The following ANKS1B variants were observed in gnomAD, a reference collection of about 807,000 sequenced individuals.
ANKS1B encodes the protein ankyrin repeat and sterile alpha motif domain containing 1B.
In ANKS1B, 36 loss-of-function variants were observed where a neutral mutation model predicts 148.3. The observed-to-expected ratio is 0.24, with a 90% CI of 0.19 to 0.32. ANKS1B has a LOEUF of 0.32. ANKS1B is among the 10% of genes least tolerant of loss of function. The pLI is 1.00. For missense variants in ANKS1B, 1,157 were observed against 1,542.6 expected (o/e 0.75, Z 4.19); for synonymous variants, 542 against 560.8 (o/e 0.97, Z 0.47).
chr12:99,401,472 TC>T (rs1487705593), intron 11 of ANKS1B, among the ~76,000 whole-genome samples: 4 of 146,482 alleles, frequency 2.7e-5, no homozygotes, highest in East Asian at 1.9e-4. Flanking sequence ...TATATATGAT[TC>T]CCCCATTTCT....
intron 11 of ANKS1B, among the ~76,000 whole-genome samples, chr12:99,411,222 G>A (rs948311498): frequency 3.3e-5 from 5 of 152,206 alleles, no homozygotes; most frequent in African/African-American, 1.2e-4. Flanking sequence ...AGCTGCTAGA[G>A]TCCCCAGTGT....
intron 9 of ANKS1B, among the ~76,000 whole-genome samples, chr12:99,564,791 T>C (rs2097372076): frequency 6.6e-6 from 1 of 152,154 alleles, no homozygotes; most frequent in African/African-American, 2.4e-5. Context: ...TCTTGAAATT[T>C]TTCAAACTTG....
At chr12:99,902,936 C>CTGT (rs1340312656) in intron 1 of ANKS1B, among the ~76,000 whole-genome samples, 2 of 89,982 alleles carry the variant, frequency 2.2e-5, no homozygotes, top group African/African-American at 8.3e-5. Flanking sequence ...GTTGTTGTTG[C>CTGT]TGTTGTTGTT....
rs553456678 is a variant in ANKS1B at position 99,931,840 on chromosome 12, C to A, written c.134+52264G>T. On this transcript the variant is annotated intron_variant, in intron 1 of 26. Coordinates refer to ENST00000683438, the MANE Select transcript of ANKS1B (RefSeq NM_001352186.2). The stretch of plus-strand genomic sequence containing the variant: ...AATAAATTAATGTTGACTGTAGTCA[C>A]CCTGTTGTGCTATCAAATGCTAGGT... Among the ~76,000 whole-genome samples, 35 of 152,180 alleles carry A rather than the reference C, an allele frequency of 2.3e-4. 2 individuals are homozygous for A. The highest frequency in any genetic ancestry group is 1.2e-3 in the Admixed American group (19 of 15,266).
At chr12:99,564,595 TAC>T (rs2097369738) in intron 9 of ANKS1B, among the ~76,000 whole-genome samples, 1 of 152,146 alleles carries the variant, frequency 6.6e-6, no homozygotes, top group South Asian at 2.1e-4. Flanking sequence ...TACTTCAATC[TAC>T]ACTTATAACC....
At chr12:99,189,668 C>G (rs539618482) in intron 14 of ANKS1B, among the ~76,000 whole-genome samples, 5 of 151,996 alleles carry the variant, frequency 3.3e-5, no homozygotes, top group African/African-American at 4.8e-5. Flanking sequence ...ACTCAATAAG[C>G]TAGGTATTGA....
At chr12:99,643,212 A>G (rs562298952) in intron 9 of ANKS1B, among the ~76,000 whole-genome samples, 308 of 152,264 alleles carry the variant, frequency 2.0e-3, no homozygotes, top group Non-Finnish European at 3.3e-3. Context: ...CGTCCCATAA[A>G]TCTTAACCCA....
At chr12:99,874,022 C>CATATATATAT (rs150860727) in intron 1 of ANKS1B, among the ~76,000 whole-genome samples, 8 of 137,856 alleles carry the variant, frequency 5.8e-5, no homozygotes, top group African/African-American at 2.5e-4. Flanking sequence ...CTCTCTCTCA[C>CATATATATAT]ATATATATAT....
At chr12:99,632,727 C>CTCTATATA (rs1555520239) in intron 9 of ANKS1B, among the ~76,000 whole-genome samples, 2 of 39,052 alleles carry the variant, frequency 5.1e-5, no homozygotes, top group African/African-American at 7.1e-5. Context: ...CCTTTTCTTT[C>CTCTATATA]TATATATATA....
intron 8 of ANKS1B, among the ~76,000 whole-genome samples, chr12:99,752,102 T>C (rs2061159810): frequency 6.6e-6 from 1 of 152,068 alleles, no homozygotes; most frequent in Non-Finnish European, 1.5e-5. Flanking sequence ...CCCTATTCCA[T>C]AATCAGATGA....
rs570212236 is a variant in ANKS1B, at chr12:99,485,702, T to G, written c.1438+18774A>C. 5.9e-5 allele frequency among the ~76,000 whole-genome samples: 9 copies of G among 152,304 alleles called. No individual in the cohort carries two copies. In the South Asian group the frequency reaches 1.7e-3, roughly 28 times the overall value. On this transcript the variant is annotated intron_variant, in intron 10 of 26. Transcript: ENST00000683438. ...TCATTTTCCATAATCCCATATTTCTTGAAGACTGTATTCATTTCTTTTGAT... is the reference window on the plus strand; with the variant it reads ...TCATTTTCCATAATCCCATATTTCTGGAAGACTGTATTCATTTCTTTTGAT...
At chr12:99,325,514 C>T (rs931935729) in intron 12 of ANKS1B, among the ~76,000 whole-genome samples, 1 of 152,124 alleles carries the variant, frequency 6.6e-6, no homozygotes, top group African/African-American at 2.4e-5. Context: ...CATGCTCTAA[C>T]TGAAGAGGGT....
At chr12:98,811,523 T>G (rs952529102) in intron 19 of ANKS1B, among the ~76,000 whole-genome samples, 1 of 152,126 alleles carries the variant, frequency 6.6e-6, no homozygotes, top group African/African-American at 2.4e-5. Context: ...AGGCCAGTTT[T>G]CCCTCCTGCA....
rs185250095 is a variant in ANKS1B, at chr12:99,128,067, T to C, written c.2526+26222A>G. Among the ~76,000 whole-genome samples the C allele has an allele frequency of 1.3e-4, 20 of 152,318 alleles. No homozygotes were observed. In the East Asian group the frequency reaches 3.9e-3, roughly 29 times the overall value. ...TTAACTTCTTTGAATCAATTTCTTCTTTATCTGTAAAATAAATACTTATAA... is the reference window on the plus strand; with the variant it reads ...TTAACTTCTTTGAATCAATTTCTTCCTTATCTGTAAAATAAATACTTATAA... On this transcript the variant is annotated intron_variant, in intron 15 of 26. Transcript: ENST00000683438.
intron 10 of ANKS1B, among the ~76,000 whole-genome samples, chr12:99,453,390 C>T (rs1188918625): frequency 6.6e-6 from 1 of 152,176 alleles, no homozygotes; most frequent in African/African-American, 2.4e-5. Context: ...GTGTGTCCTC[C>T]TTCTCAGATC....
chr12:99,879,269 C>T (rs2092333558), intron 1 of ANKS1B, among the ~76,000 whole-genome samples: 3 of 152,160 alleles, frequency 2.0e-5, no homozygotes, highest in African/African-American at 2.4e-5. Flanking sequence ...CTTGCTGCTA[C>T]TGTTGTAGAA....
At chr12:98,952,936 A>G (rs992364541) in intron 17 of ANKS1B, among the ~76,000 whole-genome samples, 1 of 151,850 alleles carries the variant, frequency 6.6e-6, no homozygotes, top group Non-Finnish European at 1.5e-5. Flanking sequence ...ATGGCTCACT[A>G]TAGTTTCAAA....
intron 8 of ANKS1B, among the ~76,000 whole-genome samples, chr12:99,703,883 G>A (rs754351244): frequency 6.6e-6 from 1 of 152,062 alleles, no homozygotes; most frequent in African/African-American, 2.4e-5. Flanking sequence ...TTTAAATTTG[G>A]TTTGGGGCAT....
chr12:99,324,252 GT>G (rs1216792333), intron 12 of ANKS1B, among the ~76,000 whole-genome samples: 10 of 152,032 alleles, frequency 6.6e-5, no homozygotes, highest in African/African-American at 2.4e-4. Flanking sequence ...CTATTTATTT[GT>G]ATTTACTCAT....
Sources: allele counts gnomAD v4.1 joint callset (sites outside exome capture counted in the v4.1 genomes callset), GRCh38; gene constraint gnomAD v4.1.1; transcripts MANE v1.5; gene names NCBI Gene and HGNC (gene_info 2026-07-23, HGNC 2026-07-21).